The following MBOAT2 variants were observed in gnomAD, a reference collection of about 807,000 sequenced individuals.
MBOAT2 encodes the protein membrane-bound glycerophospholipid O-acyltransferase 2.
MBOAT2 carries 28 observed loss-of-function variants against 63.4 expected under a neutral mutation model. The observed-to-expected ratio is 0.44, with a 90% CI of 0.33 to 0.61. The LOEUF (loss-of-function observed/expected upper bound fraction) is 0.61. MBOAT2 is among the 20% of genes least tolerant of loss of function. The pLI is 0.03. For synonymous variants in MBOAT2, 211 were observed against 215.6 expected (o/e 0.98, Z 0.19); for missense variants, 470 against 605.8 (o/e 0.78, Z 2.35).
chr2:8,982,311 A>T (rs572437880), intron 1 of MBOAT2, among the ~76,000 whole-genome samples: 3 of 152,332 alleles, frequency 2.0e-5, no homozygotes, highest in African/African-American at 7.2e-5. Flanking sequence ...TCACAAAAAA[A>T]TATTTCTCAT....
At chr2:8,934,101 A>G (rs1238162083) in intron 3 of MBOAT2, among the ~76,000 whole-genome samples, 2 of 152,232 alleles carry the variant, frequency 1.3e-5, no homozygotes, top group African/African-American at 4.8e-5. Flanking sequence ...GGACCTGGAC[A>G]TCCTATTACC....
chr2:8,995,747 T>A (rs370785850), intron 1 of MBOAT2, among the ~76,000 whole-genome samples: 1 of 152,058 alleles, frequency 6.6e-6, no homozygotes, highest in African/African-American at 2.4e-5. Context: ...CCCGCCACCA[T>A]GCCCGGCCTA....
chr2:8,982,360 T>C (rs1446163431), intron 1 of MBOAT2, among the ~76,000 whole-genome samples: 1 of 152,060 alleles, frequency 6.6e-6, no homozygotes, highest in Non-Finnish European at 1.5e-5. Context: ...TGTTAGAAAC[T>C]AAACTTAACA....
intron 1 of MBOAT2, among the ~76,000 whole-genome samples, chr2:8,961,775 C>T (rs544034205): frequency 2.0e-4 from 31 of 152,274 alleles, no homozygotes; most frequent in African/African-American, 7.2e-4. Context: ...CCTCAAATCT[C>T]CACCCGCAGG....
chr2:8,919,049 T>G (rs946044410), intron 3 of MBOAT2, among the ~76,000 whole-genome samples: 2 of 152,212 alleles, frequency 1.3e-5, no homozygotes, highest in Non-Finnish European at 2.9e-5. Flanking sequence ...ACCGTGCTCT[T>G]GAGGTTCCTC....
At chr2:8,901,365 A>G (rs1365997463) in intron 4 of MBOAT2, among the ~76,000 whole-genome samples, 4 of 152,030 alleles carry the variant, frequency 2.6e-5, no homozygotes, top group African/African-American at 9.7e-5. Flanking sequence ...CATTCTCAAA[A>G]ACGTGCACCC....
At chr2:8,985,902 T>C (rs917528065) in intron 1 of MBOAT2, among the ~76,000 whole-genome samples, 4 of 152,130 alleles carry the variant, frequency 2.6e-5, no homozygotes, top group African/African-American at 4.8e-5. Flanking sequence ...CCCCTATGCA[T>C]AGGCTGCTCA....
intron 3 of MBOAT2, among the ~76,000 whole-genome samples, chr2:8,910,007 G>A (rs866776034): frequency 1.3e-5 from 2 of 152,262 alleles, no homozygotes; most frequent in East Asian, 1.9e-4. Flanking sequence ...ACAGACCAGC[G>A]GATTACAGAA....
chr2:8,912,638 G>A (rs780081432), intron 3 of MBOAT2, among the ~76,000 whole-genome samples: 79 of 152,208 alleles, frequency 5.2e-4, no homozygotes, highest in East Asian at 5.8e-4. Flanking sequence ...CCTAACCAAG[G>A]AGTCAAAAGA....
intron 3 of MBOAT2, among the ~76,000 whole-genome samples, chr2:8,928,459 T>C (rs777632827): frequency 6.6e-6 from 1 of 152,170 alleles, no homozygotes; most frequent in Non-Finnish European, 1.5e-5. Flanking sequence ...CCAAGAGGCA[T>C]GAATGAATTC....
Position 8,862,506 on chromosome 2 carries a change from T to C in MBOAT2, c.1185+84A>G. 6.7e-7 allele frequency: 1 copy of C among 1,489,708 alleles called. No homozygotes were observed. The allele number at this position is 1,489,708 out of a possible 1,614,324, so 92.3% of individuals were successfully genotyped here. On this transcript the variant is annotated intron_variant, in intron 11 of 12. Coordinates refer to ENST00000305997, the MANE Select transcript of MBOAT2 (RefSeq NM_138799.4). The surrounding 1 kb of genome is among the most constrained non-coding windows in gnomAD (Gnocchi z 4.3). ...ACTGACCACGACCAAGGAAAGAGGG[T>C]CTACCTTGTAAGAGAGATGTACTCA...
intron 4 of MBOAT2, among the ~76,000 whole-genome samples, chr2:8,890,679 G>A (rs1489305896): frequency 2.0e-5 from 3 of 151,980 alleles, no homozygotes; most frequent in East Asian, 3.9e-4. Context: ...GCTACCACAC[G>A]TGGGTAATTT....
At chr2:8,913,177 A>G (rs939894164) in intron 3 of MBOAT2, among the ~76,000 whole-genome samples, 6 of 152,208 alleles carry the variant, frequency 3.9e-5, no homozygotes, top group South Asian at 2.1e-4. Flanking sequence ...CCTTATACAA[A>G]AATCAACTCA....
chr2:8,937,145 G>T (rs1667727395), intron 3 of MBOAT2, among the ~76,000 whole-genome samples: 1 of 152,184 alleles, frequency 6.6e-6, no homozygotes, highest in Non-Finnish European at 1.5e-5. Flanking sequence ...TCAGGGATGA[G>T]ACTTGCTCCA....
At chr2:8,977,238 A>C (rs568724419) in intron 1 of MBOAT2, among the ~76,000 whole-genome samples, 1 of 152,242 alleles carries the variant, frequency 6.6e-6, no homozygotes, top group South Asian at 2.1e-4. Flanking sequence ...TTTAATAAAA[A>C]TAAGTTCACA....
intron 4 of MBOAT2, 140 bp downstream of exon 4, chr2:8,908,481 C>A (rs541637998): frequency 3.5e-6 from 2 of 576,596 alleles, no homozygotes; most frequent in Admixed American, 3.5e-5. Context: ...GAGAGAAATT[C>A]TAAATTTAGA....
intron 1 of MBOAT2, among the ~76,000 whole-genome samples, chr2:8,992,838 G>A (rs1427138881): frequency 1.3e-5 from 2 of 152,210 alleles, no homozygotes; most frequent in Non-Finnish European, 2.9e-5. Context: ...TGGTCGCCTG[G>A]CTCAGCAGAG....
chr2:8,942,062 C>T (rs1203874585), intron 3 of MBOAT2, among the ~76,000 whole-genome samples: 2 of 152,044 alleles, frequency 1.3e-5, no homozygotes, highest in African/African-American at 4.8e-5. Context: ...TCTGAAACAC[C>T]ATCTAAATAT....
At chr2:8,963,941 TAATCAC>T (rs1168159872) in intron 1 of MBOAT2, among the ~76,000 whole-genome samples, 1 of 152,210 alleles carries the variant, frequency 6.6e-6, no homozygotes, top group East Asian at 1.9e-4. Context: ...GTTCATGTAA[TAATCAC>T]AGCCACCTTG....
Sources: allele counts gnomAD v4.1 joint callset (sites outside exome capture counted in the v4.1 genomes callset), GRCh38; gene constraint gnomAD v4.1.1; non-coding constraint Gnocchi (gnomAD v3.1); transcripts MANE v1.5; gene names NCBI Gene and HGNC (gene_info 2026-07-23, HGNC 2026-07-21).